The following SULF2 variants were observed in gnomAD, a reference collection of about 807,000 sequenced individuals.
SULF2 encodes the protein extracellular sulfatase Sulf-2.
Under a neutral mutation model 107.7 loss-of-function variants are expected in SULF2, and 52 were observed. That is an observed-to-expected ratio of 0.48 (90% CI 0.39 to 0.61). The LOEUF (loss-of-function observed/expected upper bound fraction) is 0.61. Among genes scored for constraint, SULF2 ranks in the 20% least tolerant of loss-of-function variants. The pLI is 0.00. For synonymous variants in SULF2, 460 were observed against 464.3 expected (o/e 0.99, Z 0.12); for missense variants, 993 against 1,177.3 (o/e 0.84, Z 2.29).
chr20:47,705,825 G>A (rs1337783333), intron 3 of SULF2, among the ~76,000 whole-genome samples: 1 of 147,378 alleles, frequency 6.8e-6, no homozygotes, highest in Admixed American at 6.8e-5. Context: ...TTTTGAGAGA[G>A]GGTCTCGCTG....
At chr20:47,715,478 G>A (rs143332477) in intron 3 of SULF2, among the ~76,000 whole-genome samples, 46 of 152,200 alleles carry the variant, frequency 3.0e-4, no homozygotes, top group African/African-American at 1.1e-3. Context: ...GGTCAGTGAC[G>A]AGACCTCGAT....
Position 47,672,282 on chromosome 20 carries a change from C to T in SULF2, c.1492G>A (p.Gly498Arg), listed in dbSNP as rs149787530. 1.4e-5 allele frequency: 22 copies of T among 1,613,416 alleles called. No individual in the cohort carries two copies. In the South Asian group the frequency reaches 1.4e-4, roughly 10 times the overall value. The change falls in exon 11 of 21, where the codon GGG becomes AGG. Residue 498 changes from glycine to arginine, a missense_variant. Gly to Arg is a moderately radical substitution (Grantham distance 125). Coordinates refer to ENST00000688720, the MANE Select transcript of SULF2 (RefSeq NM_001387048.1). ...ALSNLVPKYY[G>R]QGSEACTCDS... ...CAGGTGCAGGCCTCGCTGCCCTGCC[C>T]GTAGTACTTGGGCACGAGGTTGGAG... is the stretch of plus-strand genomic sequence containing the variant.
intron 3 of SULF2, among the ~76,000 whole-genome samples, chr20:47,723,485 G>C (rs763441578): frequency 2.0e-5 from 3 of 152,144 alleles, no homozygotes; most frequent in Non-Finnish European, 4.4e-5. Context: ...GACAGGTAGC[G>C]GTCTGTGGCC....
intron 3 of SULF2, among the ~76,000 whole-genome samples, chr20:47,704,356 T>A (rs1372353140): frequency 6.6e-6 from 1 of 151,990 alleles, no homozygotes; most frequent in East Asian, 1.9e-4. Flanking sequence ...CACTGCAGCC[T>A]CAACCTCCCA....
chr20:47,731,050 T>A (rs1245003820), intron 3 of SULF2, among the ~76,000 whole-genome samples: 2 of 152,068 alleles, frequency 1.3e-5, no homozygotes, highest in Non-Finnish European at 2.9e-5. Context: ...GCTCTCTTGC[T>A]CCTGCCAGAT....
chr20:47,676,765 C>T, intron 9 of SULF2, 142 bp from the exon 10 acceptor site: 1 of 990,320 alleles, frequency 1.0e-6, no homozygotes, highest in East Asian at 2.6e-5. Flanking sequence ...CTGCCCGGGT[C>T]TTCTGATGTT....
intron 3 of SULF2, among the ~76,000 whole-genome samples, chr20:47,727,062 G>A (rs916588987): frequency 6.6e-6 from 1 of 151,550 alleles, no homozygotes; most frequent in Non-Finnish European, 1.5e-5. Context: ...CCTTTATGGG[G>A]GGGGGCGGGG....
chr20:47,676,744 C>T (rs77583147), intron 9 of SULF2, 121 bp from the exon 10 acceptor site: 145,177 of 1,245,054 alleles, frequency 0.12, 8,788 homozygotes, highest in Middle Eastern at 0.14. Context: ...CAGTGGAGGG[C>T]GCAGGGCCAC....
In SULF2 at chr20:47,672,287, T is replaced by C. The variant is rs1209365334; in HGVS notation, c.1487A>G (p.Tyr496Cys). The C allele has an allele frequency of 6.2e-7, 1 of 1,613,570 alleles. No individual in the cohort carries two copies. The highest frequency in any genetic ancestry group is 8.5e-7 in the Non-Finnish European group (1 of 1,179,966). Residue 496 changes from tyrosine to cysteine, a missense_variant, in exon 11 of 21, where the codon TAC (tyrosine) becomes TGC (cysteine). Around this residue, in one of 3 missense-constraint regions of SULF2, gnomAD observed 497 missense variants for 544.1 expected, o/e 0.91. Transcript: ENST00000688720. The stretch of plus-strand genomic sequence containing the variant: ...GCAGGCCTCGCTGCCCTGCCCGTAG[T>C]ACTTGGGCACGAGGTTGGAGAGGGC... Reference protein sequence around the residue: ...SRALSNLVPKYYGQGSEACTC... With the variant: ...SRALSNLVPKCYGQGSEACTC...
chr20:47,717,200 G>A (rs2089149829), intron 3 of SULF2, among the ~76,000 whole-genome samples: 1 of 152,178 alleles, frequency 6.6e-6, no homozygotes, highest in South Asian at 2.1e-4. Flanking sequence ...CTGGGACCAC[G>A]CTTTGAGAGC....
chr20:47,690,283 CTG>C lies in SULF2; in HGVS notation c.578_579del (p.Thr193ArgfsTer6). 1 of 1,505,438 alleles carries C rather than the reference CTG, an allele frequency of 6.6e-7. No individual in the cohort carries two copies. The highest frequency in any genetic ancestry group is 8.9e-7 in the Non-Finnish European group (1 of 1,119,918). The allele number at this position is 1,505,438 out of a possible 1,614,324, so 93.3% of individuals were successfully genotyped here. Reference protein sequence around the residue: ...HGSDYSKDYLTDLITNDSVSF... With the variant: ...HGSDYSKDYLXDLITNDSVSF... ...CTCACGCTGTCATTGGTGATGAGGT[CTG>C]TGAGGTAATCCTGGGGGGTGGGGAG... On this transcript the variant is annotated frameshift_variant, in exon 5 of 21. Transcript: ENST00000688720. LOFTEE classifies it high-confidence loss of function.
intron 2 of SULF2, among the ~76,000 whole-genome samples, chr20:47,740,388 T>C (rs2089849594): frequency 6.6e-6 from 1 of 152,200 alleles, no homozygotes; most frequent in African/African-American, 2.4e-5. Flanking sequence ...GGTCCACTCT[T>C]GGCTTCAGTT....
chr20:47,730,159 G>A (rs976053741), intron 3 of SULF2, among the ~76,000 whole-genome samples: 2 of 152,128 alleles, frequency 1.3e-5, no homozygotes, highest in African/African-American at 4.8e-5. Flanking sequence ...TAACTGGGGC[G>A]CTCAGGGCCA....
intron 3 of SULF2, among the ~76,000 whole-genome samples, chr20:47,720,598 T>G (rs4809646): frequency 0.39 from 59,208 of 150,982 alleles, 11,718 homozygotes; most frequent in Middle Eastern, 0.47. Context: ...TATTTTTGGT[T>G]AAATTTCCAG....
chr20:47,726,407 G>T (rs931673244), intron 3 of SULF2, among the ~76,000 whole-genome samples: 1 of 151,632 alleles, frequency 6.6e-6, no homozygotes, highest in Admixed American at 6.6e-5. Flanking sequence ...AAAGATACAG[G>T]TCTTACTATG....
At chr20:47,754,637 C>G (rs908410843) in intron 2 of SULF2, among the ~76,000 whole-genome samples, 2 of 152,204 alleles carry the variant, frequency 1.3e-5, no homozygotes, top group Non-Finnish European at 2.9e-5. Context: ...CCCACCGCAT[C>G]CACCTCCTAG....
chr20:47,733,335 A>C (rs1026082350), intron 3 of SULF2, among the ~76,000 whole-genome samples: 20 of 152,252 alleles, frequency 1.3e-4, no homozygotes, highest in African/African-American at 4.8e-4. Flanking sequence ...GTCCCTAGTG[A>C]AGTAAAGGAT....
chr20:47,780,103 G>C (rs2090801139), intron 1 of SULF2, among the ~76,000 whole-genome samples: 1 of 146,358 alleles, frequency 6.8e-6, no homozygotes, highest in Non-Finnish European at 1.5e-5. Context: ...AGCAACCCCT[G>C]CCTCCCGGGT....
intron 17 of SULF2, 135 bp from the exon 18 acceptor site, chr20:47,662,031 C>T (rs2087093967): frequency 2.2e-6 from 2 of 916,778 alleles, no homozygotes; most frequent in East Asian, 2.9e-5. Context: ...TTTACTCCAA[C>T]TTCTGCAAGA....
Sources: allele counts gnomAD v4.1 joint callset (sites outside exome capture counted in the v4.1 genomes callset), GRCh38; gene constraint gnomAD v4.1.1; regional missense constraint gnomAD v4.1.1; transcripts MANE v1.5; gene names NCBI Gene and HGNC (gene_info 2026-07-23, HGNC 2026-07-21).